The following EYS variants were observed in gnomAD, a reference collection of about 807,000 sequenced individuals.
The protein encoded by EYS is protein eyes shut homolog.
A neutral mutation model predicts 282.1 loss-of-function variants in EYS; 250 were observed. That is an observed-to-expected ratio of 0.89 (90% CI 0.80 to 0.98). EYS has a LOEUF of 0.98. Among genes scored for constraint, EYS ranks in the 50% least tolerant of loss-of-function variants. The probability of loss-of-function intolerance (pLI) is 0.00; values close to 1 mark genes in which losing one functional copy is unlikely to be tolerated. For missense variants in EYS, 4,016 were observed against 3,709.0 expected (o/e 1.08, Z -2.15); for synonymous variants, 1,355 against 1,282.9 (o/e 1.06, Z -1.20).
chr6:64,411,832 A>T (rs1192516226), intron 28 of EYS, among the ~76,000 whole-genome samples: 2 of 102,564 alleles, frequency 1.9e-5, no homozygotes, highest in Admixed American at 2.0e-4. Context: ...CACATATATG[A>T]GATACACATA....
chr6:64,802,355 T>G (rs2150008990), intron 22 of EYS, among the ~76,000 whole-genome samples: 1 of 152,000 alleles, frequency 6.6e-6, no homozygotes, highest in East Asian at 1.9e-4. Flanking sequence ...TCCGGCCGAG[T>G]TATAACAAAT....
At chr6:64,191,708 T>A (rs1284665448) in intron 31 of EYS, among the ~76,000 whole-genome samples, 1 of 152,090 alleles carries the variant, frequency 6.6e-6, no homozygotes, top group Non-Finnish European at 1.5e-5. Flanking sequence ...TGTGCCACAT[T>A]TTCTTAATCC....
intron 30 of EYS, 96 bp downstream of exon 30, chr6:64,306,874 T>C (rs889237395): frequency 1.6e-5 from 11 of 679,244 alleles, no homozygotes; most frequent in Non-Finnish European, 2.3e-5. Flanking sequence ...AAACGAAATA[T>C]AGTGCAGCCT....
At chr6:65,024,178 A>T (rs1340962108) in intron 13 of EYS, among the ~76,000 whole-genome samples, 2 of 152,226 alleles carry the variant, frequency 1.3e-5, no homozygotes, top group Non-Finnish European at 2.9e-5. Context: ...TAGCAATGCA[A>T]TGAAAATATA....
At chr6:63,913,603 A>C (rs1764336330) in intron 35 of EYS, among the ~76,000 whole-genome samples, 1 of 152,184 alleles carries the variant, frequency 6.6e-6, no homozygotes, top group Non-Finnish European at 1.5e-5. Flanking sequence ...AATGTTTGGC[A>C]TATTTCGCTT....
intron 22 of EYS, among the ~76,000 whole-genome samples, chr6:64,704,509 A>ATAATT: frequency 1.5e-5 from 1 of 67,550 alleles, no homozygotes; most frequent in East Asian, 2.7e-4. Context: ...TACTTATAAT[A>ATAATT]ATATTATAAT....
chr6:65,394,519 T>C (rs1467911124), intron 7 of EYS, among the ~76,000 whole-genome samples: 1 of 152,122 alleles, frequency 6.6e-6, no homozygotes, highest in Non-Finnish European at 1.5e-5. Flanking sequence ...CAGAGTCCTG[T>C]AGCTGTAGCA....
At chr6:63,859,071 G>C in intron 36 of EYS, among the ~76,000 whole-genome samples, 1 of 99,070 alleles carries the variant, frequency 1.0e-5, no homozygotes, top group South Asian at 3.5e-4. Flanking sequence ...TGATGTCCTA[G>C]AGAGTTTTTT....
At chr6:63,775,728 A>G (rs1770049017) in intron 40 of EYS, among the ~76,000 whole-genome samples, 1 of 152,200 alleles carries the variant, frequency 6.6e-6, no homozygotes, top group Non-Finnish European at 1.5e-5. Context: ...TATTGAGATT[A>G]GAAAAGAATT....
rs528637947 is a variant in EYS at position 65,399,250 on chromosome 6, A to G, written c.1184+3228T>C. ...CTTTTTAATTTGTTTGGCCTTTTTT[A>G]TGGTTGCAGAAGAGTTTTACTTAGA... is the stretch of plus-strand genomic sequence containing the variant. On this transcript the variant is annotated intron_variant, in intron 7 of 42. Transcript: ENST00000503581. Among the ~76,000 whole-genome samples the G allele has an allele frequency of 9.2e-5, 14 of 152,040 alleles. No homozygotes were observed. In the East Asian group the frequency reaches 1.5e-3, roughly 17 times the overall value.
At chr6:63,876,533 C>T (rs1204474061) in intron 35 of EYS, among the ~76,000 whole-genome samples, 2 of 152,094 alleles carry the variant, frequency 1.3e-5, no homozygotes, top group East Asian at 3.8e-4. Flanking sequence ...TCCTTGTTAA[C>T]TTTCTGTGTC....
At chr6:64,558,620 C>CT (rs1157063340) in intron 26 of EYS, among the ~76,000 whole-genome samples, 1 of 152,100 alleles carries the variant, frequency 6.6e-6, no homozygotes, top group East Asian at 1.9e-4. Flanking sequence ...TCCAGGCCAG[C>CT]TTTTATTGTG....
intron 22 of EYS, among the ~76,000 whole-genome samples, chr6:64,698,131 G>A (rs1249412116): frequency 6.6e-6 from 1 of 151,954 alleles, no homozygotes; most frequent in African/African-American, 2.4e-5. Flanking sequence ...TAAACATTTT[G>A]AAACAATTGA....
rs545936874 is a variant in EYS, at chr6:64,929,887, T to C, written c.2381+15906A>G. 2.0e-5 allele frequency among the ~76,000 whole-genome samples: 3 copies of C among 152,308 alleles called. No individual in the cohort carries two copies. The East Asian group carries it at 5.8e-4, about 29-fold the overall frequency. On this transcript the variant is annotated intron_variant, in intron 15 of 42. Transcript: ENST00000503581. ...GTCTTGTTCTGGTATTTAGATTTAC[T>C]ACTTTTTAACACTGTGATTTCTGCA...
At chr6:64,116,640 A>G (rs1036475464) in intron 31 of EYS, among the ~76,000 whole-genome samples, 23 of 152,192 alleles carry the variant, frequency 1.5e-4, no homozygotes, top group Non-Finnish European at 1.3e-4. Context: ...TACTCACTTC[A>G]GTTTGAAGGA....
At chr6:64,632,921 C>A (rs1212695420) in intron 22 of EYS, among the ~76,000 whole-genome samples, 1 of 152,004 alleles carries the variant, frequency 6.6e-6, no homozygotes, top group Non-Finnish European at 1.5e-5. Context: ...TGCTTTGTTG[C>A]AGAGACTGTG....
At chr6:64,999,586 C>G (rs981082151) in intron 13 of EYS, among the ~76,000 whole-genome samples, 4 of 152,174 alleles carry the variant, frequency 2.6e-5, no homozygotes, top group Non-Finnish European at 5.9e-5. Context: ...ACCACCCTGT[C>G]CCACCCTGCC....
chr6:64,356,207 AT>A (rs1262253845), intron 29 of EYS, among the ~76,000 whole-genome samples: 3 of 151,270 alleles, frequency 2.0e-5, no homozygotes, highest in African/African-American at 7.3e-5. Flanking sequence ...TTTTTTTAAA[AT>A]TTTTTATTGT....
chr6:64,603,192 T>C (rs1384271638), intron 24 of EYS, among the ~76,000 whole-genome samples: 1 of 152,044 alleles, frequency 6.6e-6, no homozygotes, highest in Non-Finnish European at 1.5e-5. Flanking sequence ...AAAAAAGTGC[T>C]TACAGGACAA....
Sources: gnomAD v4.1 joint callset for allele counts (sites outside exome capture counted in the v4.1 genomes callset) on GRCh38, gnomAD v4.1.1 for gene constraint, MANE v1.5 for transcripts, NCBI Gene and HGNC (gene_info 2026-07-23, HGNC 2026-07-21) for gene names.